The following FAM186A variants were observed in gnomAD, a reference collection of about 807,000 sequenced individuals.
The protein encoded by FAM186A is family with sequence similarity 186 member A.
In FAM186A, 163 loss-of-function variants were observed where a neutral mutation model predicts 216.8. That is an observed-to-expected ratio of 0.75 (90% CI 0.66 to 0.86). The LOEUF (loss-of-function observed/expected upper bound fraction) is 0.86. Ranked by LOEUF, FAM186A falls within the 40% of genes least tolerant of loss-of-function variation. FAM186A has a pLI of 0.00. For synonymous variants in FAM186A, 805 were observed against 1,025.3 expected (o/e 0.79, Z 4.10); for missense variants, 2,184 against 2,746.2 (o/e 0.80, Z 4.58).
chr12:50,389,217 T>C (rs955479084), intron 1 of FAM186A, among the ~76,000 whole-genome samples: 6 of 150,432 alleles, frequency 4.0e-5, no homozygotes, highest in African/African-American at 1.5e-4. Flanking sequence ...AATAAAAAAA[T>C]AGGCTGGGCA....
At chr12:50,370,524 A>T (rs1333133661) in intron 1 of FAM186A, among the ~76,000 whole-genome samples, 1 of 152,178 alleles carries the variant, frequency 6.6e-6, no homozygotes, top group Non-Finnish European at 1.5e-5. Flanking sequence ...AGGCTGTGCA[A>T]AATTGGAACC....
Position 50,354,094 on chromosome 12 carries a change from TC to T in FAM186A, c.2737del (p.Glu913ArgfsTer20). 6.4e-7 allele frequency: 1 copy of T among 1,551,766 alleles called. No individual in the cohort carries two copies. The highest frequency in any genetic ancestry group is 8.7e-7 in the Non-Finnish European group (1 of 1,147,006). ...GCTTGACTTTGGAAGCTCTTCTTCC[TC>T]CTGTCCTCTTTGCTTTTGCTTTTCC... is the stretch of plus-strand genomic sequence containing the variant. Reference protein sequence around the residue: ...QEEKQKQRGQEEEELPKSSLQ... With the variant: ...QEEKQKQRGQXEEELPKSSLQ... On this transcript the variant is annotated frameshift_variant, in exon 4 of 8. Coordinates refer to ENST00000327337, the MANE Select transcript of FAM186A (RefSeq NM_001145475.3). LOFTEE classifies it high-confidence loss of function.
chr12:50,386,204 G>C (rs1054913550), intron 1 of FAM186A, among the ~76,000 whole-genome samples: 4 of 151,120 alleles, frequency 2.6e-5, no homozygotes, highest in African/African-American at 7.3e-5. Context: ...CAAGGTGGGT[G>C]GATCACCTGA....
At position 50,391,581 on chromosome 12, in the gene FAM186A, T is replaced by C. The variant is rs187540683; in HGVS notation, c.192+4712A>G. Among the ~76,000 whole-genome samples the C allele has an allele frequency of 2.0e-3, 301 of 152,058 alleles. 2 individuals are homozygous for C. The East Asian group carries it at 0.02, about 10-fold the overall frequency. ...CGCCTGCCTCAGCCTCCCAAAGTGC[T>C]GGGATTACAGGTGTGAGCCACCACG... On this transcript the variant is annotated intron_variant, in intron 1 of 7. Coordinates refer to ENST00000327337, the MANE Select transcript of FAM186A (RefSeq NM_001145475.3).
rs1005302401 is a variant in FAM186A at position 50,396,288 on chromosome 12, C to T, written c.192+5G>A. On this transcript the variant is annotated splice_donor_5th_base_variant and intron_variant, in intron 1 of 7. Coordinates refer to ENST00000327337, the MANE Select transcript of FAM186A (RefSeq NM_001145475.3). Reference sequence around the variant, plus strand: ...CAGTCTGTAAACTTCAGATTCACTACCTACCTCTCTGGCTCGATGGAGCTG... The same window carrying T: ...CAGTCTGTAAACTTCAGATTCACTATCTACCTCTCTGGCTCGATGGAGCTG... 6.6e-7 allele frequency: 1 copy of T among 1,520,110 alleles called. No homozygotes were observed. Among genetic ancestry groups the T allele is most frequent in the Middle Eastern group, 1.7e-4 (1 of 5,872 alleles). The allele number at this position is 1,520,110 out of a possible 1,614,324, so 94.2% of individuals were successfully genotyped here. A position where few individuals can be genotyped will look rare whatever the true frequency, so the allele number is the denominator to read the frequency against.
chr12:50,352,730 C>G lies in FAM186A; in HGVS notation c.4102G>C (p.Ala1368Pro). Residue 1368 changes from alanine to proline, a missense_variant, in exon 4 of 8, where the codon GCT becomes CCT. Ala to Pro is a conservative substitution (Grantham distance 27). This residue lies in a region of FAM186A where 267 missense variants were observed against 446.2 expected (regional missense o/e 0.60). Coordinates refer to ENST00000327337, the MANE Select transcript of FAM186A (RefSeq NM_001145475.3). ...GTGAGAGGCATCCCCAAGGCCTGAG[C>G]GTGCTGAGGGGTGAGAGGGATCCCC... Reference protein sequence around the residue: ...ELGIPLTPQHAQALGMPLTTQ... With the variant: ...ELGIPLTPQHPQALGMPLTTQ... 6.6e-7 allele frequency: 1 copy of G among 1,517,084 alleles called. No homozygotes were observed. Among genetic ancestry groups the G allele is most frequent in the Non-Finnish European group, 8.9e-7 (1 of 1,129,546 alleles). 94.0% of individuals were successfully genotyped at this position (1,517,084 alleles called of 1,614,324 possible).
chr12:50,389,865 C>A (rs2136108155), intron 1 of FAM186A, among the ~76,000 whole-genome samples: 1 of 152,296 alleles, frequency 6.6e-6, no homozygotes, highest in South Asian at 2.1e-4. Flanking sequence ...TAGAAATCAC[C>A]ACTAAGGAAT....
chr12:50,359,336 T>C (rs1943009834), intron 3 of FAM186A, among the ~76,000 whole-genome samples: 2 of 152,006 alleles, frequency 1.3e-5, no homozygotes, highest in African/African-American at 4.8e-5. Flanking sequence ...AGGTGGAGGT[T>C]GCAGTGAGCT....
intron 3 of FAM186A, among the ~76,000 whole-genome samples, chr12:50,358,694 G>T (rs1490403842): frequency 1.3e-5 from 2 of 152,094 alleles, no homozygotes; most frequent in East Asian, 3.9e-4. Flanking sequence ...GGAGGCCGAG[G>T]AGGGTGGATC....
At chr12:50,341,736 G>C (rs891304363) in intron 4 of FAM186A, among the ~76,000 whole-genome samples, 4 of 152,182 alleles carry the variant, frequency 2.6e-5, no homozygotes, top group African/African-American at 7.2e-5. Flanking sequence ...TCAGGAGGCT[G>C]ATGCAGGAGA....
At chr12:50,381,157 C>T (rs550948025) in intron 1 of FAM186A, among the ~76,000 whole-genome samples, 2 of 152,206 alleles carry the variant, frequency 1.3e-5, no homozygotes, top group East Asian at 3.8e-4. Context: ...CTGGGCTCCC[C>T]GAAGGGCCAC....
At chr12:50,386,243 A>G (rs181290779) in intron 1 of FAM186A, among the ~76,000 whole-genome samples, 197 of 146,220 alleles carry the variant, frequency 1.3e-3, no homozygotes, top group African/African-American at 5.2e-3. Flanking sequence ...AGCCTGGCCA[A>G]CATGGCGAAA....
chr12:50,388,478 G>T (rs1943326452), intron 1 of FAM186A, among the ~76,000 whole-genome samples: 1 of 152,006 alleles, frequency 6.6e-6, no homozygotes, highest in South Asian at 2.1e-4. Flanking sequence ...ATTCAGCCAG[G>T]TGTGGTGGCA....
At chr12:50,373,538 A>G (rs1943169726) in intron 1 of FAM186A, among the ~76,000 whole-genome samples, 1 of 152,236 alleles carries the variant, frequency 6.6e-6, no homozygotes. Context: ...AAAAGAAGAA[A>G]ACTACAAACC....
Position 50,351,521 on chromosome 12 carries a change from G to A in FAM186A, c.5311C>T (p.Pro1771Ser), listed in dbSNP as rs1942880714. The change falls in exon 4 of 8, where the codon CCC (proline) becomes TCC (serine). Residue 1771 changes from proline (P) to serine (S), a missense_variant. By Grantham distance (74) the Pro-to-Ser change is moderately conservative. Coordinates refer to ENST00000327337, the MANE Select transcript of FAM186A (RefSeq NM_001145475.3). ...TCTAGGGGCTTCCCAGGGGCAAAGG[G>A]GCCTTGGTTGAGGGGAACCCTTGAT... ...QISRVPLNQGPFAPGKPLEMG... is the reference protein window; with the variant it reads ...QISRVPLNQGSFAPGKPLEMG... 2.0e-6 allele frequency: 3 copies of A among 1,515,636 alleles called. No individual in the cohort carries two copies. Among genetic ancestry groups the A allele is most frequent in the Middle Eastern group, 1.7e-4 (1 of 5,778 alleles). The allele number at this position is 1,515,636 out of a possible 1,614,324, so 93.9% of individuals were successfully genotyped here. A position where few individuals can be genotyped will look rare whatever the true frequency, so the allele number is the denominator to read the frequency against.
At chr12:50,362,702 C>T (rs1348159217) in intron 2 of FAM186A, among the ~76,000 whole-genome samples, 1 of 141,958 alleles carries the variant, frequency 7.0e-6, no homozygotes, top group African/African-American at 2.7e-5. Flanking sequence ...TGAGATCGCG[C>T]CACTGCACTC....
chr12:50,394,758 T>TTTTTTTTTTTTTTTTTTTG (rs1943397281), intron 1 of FAM186A, among the ~76,000 whole-genome samples: 1 of 121,550 alleles, frequency 8.2e-6, no homozygotes, highest in Admixed American at 8.8e-5. Context: ...TTTTTTTTTT[T>TTTTTTTTTTTTTTTTTTTG]TTAGAGATAG....
At chr12:50,393,419 C>A (rs1943382579) in intron 1 of FAM186A, among the ~76,000 whole-genome samples, 1 of 151,368 alleles carries the variant, frequency 6.6e-6, no homozygotes, top group Non-Finnish European at 1.5e-5. Context: ...TGCCTGTTGT[C>A]TAGTCTCAGC....
Position 50,355,546 on chromosome 12 carries a change from T to C in FAM186A, c.1286A>G (p.Asp429Gly), listed in dbSNP as rs1328272002. ...ELRQQPVASEDISEDSTKDNV... is the reference protein window; with the variant it reads ...ELRQQPVASEGISEDSTKDNV... ...ATCTTTAGTGCTGTCTTCGGAAATA[T>C]CTTCAGAAGCAACAGGTTGCTGTCG... The change falls in exon 4 of 8, where the codon GAT becomes GGT. Residue 429 changes from aspartate to glycine, a missense_variant. By Grantham distance (94) the Asp-to-Gly change is moderately conservative. This residue lies in a region of FAM186A where 1,132 missense variants were observed against 1,263.4 expected (regional missense o/e 0.90). Transcript: ENST00000327337. The C allele has an allele frequency of 2.6e-6, 4 of 1,551,508 alleles. No homozygotes were observed. The highest frequency in any genetic ancestry group is 2.7e-5 in the African/African-American group (2 of 73,052).
Sources: allele counts gnomAD v4.1 joint callset (sites outside exome capture counted in the v4.1 genomes callset), GRCh38; gene constraint gnomAD v4.1.1; regional missense constraint gnomAD v4.1.1; transcripts MANE v1.5; gene names NCBI Gene and HGNC (gene_info 2026-07-23, HGNC 2026-07-21).